The following SCAI variants were observed in gnomAD, a reference collection of about 807,000 sequenced individuals.
SCAI encodes suppressor of cancer cell invasion, also known as protein SCAI.
A neutral mutation model predicts 92.2 loss-of-function variants in SCAI; 24 were observed. That is an observed-to-expected ratio of 0.26 (90% CI 0.19 to 0.37). The LOEUF (loss-of-function observed/expected upper bound fraction) is 0.37. SCAI is among the 10% of genes least tolerant of loss of function. The probability of loss-of-function intolerance (pLI) is 1.00; values close to 1 mark genes in which losing one functional copy is unlikely to be tolerated. For missense variants in SCAI, 450 were observed against 736.2 expected (o/e 0.61, Z 4.50); for synonymous variants, 261 against 258.6 (o/e 1.01, Z -0.09).
At chr9:125,085,177 T>G (rs1242296507) in intron 2 of SCAI, among the ~76,000 whole-genome samples, 2 of 152,166 alleles carry the variant, frequency 1.3e-5, no homozygotes, top group South Asian at 4.1e-4. Context: ...CAATAGACTT[T>G]AAAAGGTTAA....
At chr9:125,026,788 T>G in intron 6 of SCAI, 24 bp downstream of exon 6, 1 of 1,155,790 alleles carries the variant, frequency 8.7e-7, no homozygotes, top group Admixed American at 2.1e-5. Flanking sequence ...TCCTCATCTT[T>G]CTAAAAACAT....
intron 17 of SCAI, among the ~76,000 whole-genome samples, chr9:124,970,489 C>T (rs548621441): frequency 2.6e-5 from 4 of 152,056 alleles, no homozygotes; most frequent in African/African-American, 9.6e-5. Context: ...AAGGCCAAGG[C>T]GGGTGGATCA....
chr9:125,141,877 C>T lies in SCAI; in HGVS notation c.98+756G>A, dbSNP rs1056277168. On this transcript the variant is annotated intron_variant, in intron 2 of 17. Coordinates refer to ENST00000336505, the MANE Select transcript of SCAI (RefSeq NM_001144877.3). ...TTTGAGGATTACAGGAGAAGATACA[C>T]ATAGAGCATTCGTACACAGTACTTG... Among the ~76,000 whole-genome samples the T allele has an allele frequency of 2.6e-5, 4 of 152,204 alleles. No individual in the cohort carries two copies. In the East Asian group the frequency reaches 7.7e-4, roughly 29 times the overall value.
chr9:125,014,913 G>C (rs1217183509), intron 9 of SCAI, among the ~76,000 whole-genome samples: 1 of 152,086 alleles, frequency 6.6e-6, no homozygotes, highest in African/African-American at 2.4e-5. Flanking sequence ...ACAAACCTGA[G>C]ACAAACAAGC....
At chr9:125,050,583 T>C (rs576363250) in intron 3 of SCAI, among the ~76,000 whole-genome samples, 26 of 152,170 alleles carry the variant, frequency 1.7e-4, no homozygotes, top group Non-Finnish European at 3.5e-4. Flanking sequence ...CTCTTTTCTT[T>C]TTATAAAAGG....
chr9:124,969,753 T>C (rs915406307), intron 17 of SCAI, among the ~76,000 whole-genome samples: 1 of 152,254 alleles, frequency 6.6e-6, no homozygotes, highest in Non-Finnish European at 1.5e-5. Flanking sequence ...AAATTAAATA[T>C]GCTTATATCC....
At chr9:124,964,424 CA>C (rs1665244970) in intron 17 of SCAI, among the ~76,000 whole-genome samples, 1 of 152,182 alleles carries the variant, frequency 6.6e-6, no homozygotes, top group African/African-American at 2.4e-5. Context: ...AACATCTAGA[CA>C]CAGTTTTCTC....
At chr9:125,089,336 C>CT (rs1834383158) in intron 2 of SCAI, among the ~76,000 whole-genome samples, 1 of 152,088 alleles carries the variant, frequency 6.6e-6, no homozygotes, top group Non-Finnish European at 1.5e-5. Flanking sequence ...GTATTATAAC[C>CT]TTCAAGAATA....
chr9:125,059,803 A>T (rs1833738146), intron 2 of SCAI, among the ~76,000 whole-genome samples: 1 of 152,208 alleles, frequency 6.6e-6, no homozygotes, highest in African/African-American at 2.4e-5. Flanking sequence ...CTATCTTTCC[A>T]GTCTCACCTT....
rs547387420 is a variant in SCAI at position 125,058,295 on chromosome 9, T to C, written c.99-2288A>G. ...CTGGGAGGCCAAGGTGGGTGGATCA[T>C]TTGAGGTCAGGAGTTTGAGACCAGC... is the stretch of plus-strand genomic sequence containing the variant. On this transcript the variant is annotated intron_variant, in intron 2 of 17. Transcript: ENST00000336505. Among the ~76,000 whole-genome samples the C allele has an allele frequency of 2.7e-5, 4 of 150,702 alleles. 1 individual carries two copies. The highest frequency in any genetic ancestry group is 9.7e-5 in the African/African-American group (4 of 41,104).
chr9:125,088,902 G>A (rs924992257), intron 2 of SCAI, among the ~76,000 whole-genome samples: 1 of 152,184 alleles, frequency 6.6e-6, no homozygotes, highest in Non-Finnish European at 1.5e-5. Context: ...CTGGTACACT[G>A]TAGAGTGTTT....
intron 2 of SCAI, among the ~76,000 whole-genome samples, chr9:125,057,185 T>C (rs1044817360): frequency 7.2e-5 from 11 of 152,284 alleles, no homozygotes; most frequent in Non-Finnish European, 1.5e-4. Flanking sequence ...AAATAATGAA[T>C]TTTAATAGAT....
At chr9:125,021,137 G>A (rs746509068) in intron 6 of SCAI, among the ~76,000 whole-genome samples, 2 of 152,170 alleles carry the variant, frequency 1.3e-5, no homozygotes, top group African/African-American at 2.4e-5. Flanking sequence ...ATAATGATAG[G>A]AGAAATAAAG....
chr9:124,970,059 G>A (rs980873783), intron 17 of SCAI, among the ~76,000 whole-genome samples: 9 of 152,102 alleles, frequency 5.9e-5, no homozygotes, highest in African/African-American at 1.9e-4. Context: ...TCATCATGTT[G>A]GCCAGCCTGG....
intron 6 of SCAI, 33 bp downstream of exon 6, chr9:125,026,779 C>A (rs1424827322): frequency 2.8e-6 from 3 of 1,068,342 alleles, no homozygotes; most frequent in South Asian, 1.4e-5. Context: ...AATGTTTTAT[C>A]CTCATCTTTC....
chr9:125,120,209 G>A (rs1286475128), intron 2 of SCAI, among the ~76,000 whole-genome samples: 1 of 152,188 alleles, frequency 6.6e-6, no homozygotes, highest in African/African-American at 2.4e-5. Flanking sequence ...CAATACATTG[G>A]TTGTATGCCA....
At chr9:125,002,141 A>G (rs545467777) in intron 11 of SCAI, 98 bp from the exon 12 acceptor site, 1 of 833,248 alleles carries the variant, frequency 1.2e-6, no homozygotes, top group African/African-American at 1.7e-5. Flanking sequence ...TGAAATAAAT[A>G]AGAATGCACT....
At chr9:125,015,891 G>A (rs1023556256) in intron 9 of SCAI, among the ~76,000 whole-genome samples, 1 of 151,914 alleles carries the variant, frequency 6.6e-6, no homozygotes, top group Non-Finnish European at 1.5e-5. Flanking sequence ...GGACATGGAT[G>A]AAATTGGAAA....
At chr9:125,039,063 C>G (rs1833260083) in intron 3 of SCAI, among the ~76,000 whole-genome samples, 1 of 152,166 alleles carries the variant, frequency 6.6e-6, no homozygotes, top group African/African-American at 2.4e-5. Context: ...AATATTTCTT[C>G]CCCCTCTTAC....
Sources: allele counts gnomAD v4.1 joint callset (sites outside exome capture counted in the v4.1 genomes callset), GRCh38; gene constraint gnomAD v4.1.1; transcripts MANE v1.5; gene names NCBI Gene and HGNC (gene_info 2026-07-23, HGNC 2026-07-21).